MALRD1: variants seen among roughly 807,000 people sequenced by gnomAD.
MALRD1 encodes MAM and LDL receptor class A domain containing 1.
Under a neutral mutation model 242.1 loss-of-function variants are expected in MALRD1, and 247 were observed. That is an observed-to-expected ratio of 1.02 (90% confidence interval 0.92 to 1.13). The LOEUF (loss-of-function observed/expected upper bound fraction) is 1.13, where lower values mean the gene tolerates loss of function less well. Among genes scored for constraint, MALRD1 ranks in the 50% most tolerant of loss-of-function variants. The probability of loss-of-function intolerance (pLI) is 0.00; values close to 1 mark genes in which losing one functional copy is unlikely to be tolerated. For missense variants in MALRD1, 2,989 were observed against 2,533.1 expected, an observed-to-expected ratio of 1.18 and a Z score of -3.86; for synonymous variants, 995 against 866.6, an observed-to-expected ratio of 1.15 and a Z score of -2.60.
intron 18 of MALRD1, among the ~76,000 whole-genome samples, chr10:19,213,691 C>G (rs530003995): frequency 5.9e-5 from 9 of 152,262 alleles, no homozygotes; most frequent in African/African-American, 1.9e-4. Flanking sequence ...GTTCTTCTGT[C>G]TTTTGTTGTT....
At chr10:19,717,590 T>C (rs1278723531) in intron 38 of MALRD1, among the ~76,000 whole-genome samples, 2 of 152,220 alleles carry the variant, frequency 1.3e-5, no homozygotes, top group East Asian at 1.9e-4. Flanking sequence ...CCCATGTGTT[T>C]TATTATTAAT....
intron 22 of MALRD1, among the ~76,000 whole-genome samples, chr10:19,324,775 G>A (rs2130899122): frequency 6.6e-6 from 1 of 151,668 alleles, no homozygotes; most frequent in East Asian, 1.9e-4. Flanking sequence ...CCATAGCCAA[G>A]TCATTTTGTA....
intron 21 of MALRD1, among the ~76,000 whole-genome samples, chr10:19,320,038 C>G (rs1462009046): frequency 9.7e-6 from 1 of 103,618 alleles, no homozygotes; most frequent in Non-Finnish European, 1.9e-5. Flanking sequence ...TTTTATAAAA[C>G]TGCTTTTTTT....
At chr10:19,706,043 C>T (rs1249381093) in intron 38 of MALRD1, among the ~76,000 whole-genome samples, 2 of 151,900 alleles carry the variant, frequency 1.3e-5, no homozygotes, top group African/African-American at 2.4e-5. Flanking sequence ...TTGAAAGATA[C>T]TGGAAAGCCA....
At chr10:19,268,555 T>A (rs1338139950) in intron 19 of MALRD1, among the ~76,000 whole-genome samples, 2 of 152,182 alleles carry the variant, frequency 1.3e-5, no homozygotes, top group African/African-American at 4.8e-5. Flanking sequence ...ATATTAAATA[T>A]ATTTCTTAAC....
intron 12 of MALRD1, among the ~76,000 whole-genome samples, chr10:19,164,831 T>C (rs961090168): frequency 6.6e-6 from 1 of 152,058 alleles, no homozygotes; most frequent in African/African-American, 2.4e-5. Flanking sequence ...AACCTTTAGA[T>C]TGTGTCATTA....
At chr10:19,167,388 T>A (rs184670794) in intron 13 of MALRD1, among the ~76,000 whole-genome samples, 2 of 151,948 alleles carry the variant, frequency 1.3e-5, no homozygotes, top group East Asian at 1.9e-4. Context: ...AGTGTATGAT[T>A]ATAGGGAAGT....
At chr10:19,066,028 A>G (rs377727767) in intron 1 of MALRD1, among the ~76,000 whole-genome samples, 19 of 152,138 alleles carry the variant, frequency 1.2e-4, no homozygotes, top group African/African-American at 3.9e-4. Flanking sequence ...GTAAGGTACA[A>G]TGGTCTCTTG....
chr10:19,715,275 C>A (rs1170575734), intron 38 of MALRD1, among the ~76,000 whole-genome samples: 3 of 151,406 alleles, frequency 2.0e-5, no homozygotes, highest in South Asian at 2.1e-4. Context: ...TCAAGACTTA[C>A]CATATAAGAA....
chr10:19,607,807 T>A lies in MALRD1; in HGVS notation c.5975T>A (p.Val1992Glu). 5.2e-6 allele frequency: 8 copies of A among 1,549,778 alleles called. No homozygotes were observed. The highest frequency in any genetic ancestry group is 1.2e-5 in the South Asian group (1 of 84,038). ...SNKSCSNGAL[V>E]CASSNSCIPA... ...AAAAGCTGTTCTAATGGAGCTCTGG[T>A]GTGTGCCTCCTCCAACAGCTGTATC... Residue 1992 changes from valine to glutamate, a missense_variant, in exon 35 of 40, where the codon GTG (valine) becomes GAG (glutamate). Physicochemically the swap from Val to Glu is moderately radical, Grantham distance 121. Transcript: ENST00000454679.
intron 24 of MALRD1, among the ~76,000 whole-genome samples, chr10:19,339,615 T>C (rs1364418955): frequency 6.6e-6 from 1 of 152,214 alleles, no homozygotes; most frequent in Non-Finnish European, 1.5e-5. Context: ...CCATTACAAG[T>C]ACTAACTTCT....
intron 32 of MALRD1, among the ~76,000 whole-genome samples, chr10:19,539,585 AGT>A (rs908241533): frequency 9.9e-5 from 15 of 152,126 alleles, no homozygotes; most frequent in African/African-American, 3.6e-4. Context: ...CCAAATGCTT[AGT>A]GTGTGTGAGC....
chr10:19,415,476 A>G (rs1833480033), intron 28 of MALRD1, among the ~76,000 whole-genome samples: 1 of 152,142 alleles, frequency 6.6e-6, no homozygotes, highest in African/African-American at 2.4e-5. Context: ...TTATTGTACT[A>G]GCTTAAGGCT....
At chr10:19,213,205 T>C (rs931512448) in intron 18 of MALRD1, among the ~76,000 whole-genome samples, 1 of 152,182 alleles carries the variant, frequency 6.6e-6, no homozygotes, top group African/African-American at 2.4e-5. Context: ...CTCCTCTCCT[T>C]TGGGAACTGA....
chr10:19,237,391 T>A (rs1838368950), intron 18 of MALRD1, among the ~76,000 whole-genome samples: 1 of 150,146 alleles, frequency 6.7e-6, no homozygotes, highest in Non-Finnish European at 1.5e-5. Flanking sequence ...CATGCGGTAT[T>A]TGCTTTCTGT....
At chr10:19,382,083 A>G (rs955853413) in intron 26 of MALRD1, among the ~76,000 whole-genome samples, 1 of 152,160 alleles carries the variant, frequency 6.6e-6, no homozygotes, top group Non-Finnish European at 1.5e-5. Flanking sequence ...TATACCCTTA[A>G]TGTCAAGAAT....
At chr10:19,680,831 G>A (rs1482863800) in intron 36 of MALRD1, among the ~76,000 whole-genome samples, 1 of 152,080 alleles carries the variant, frequency 6.6e-6, no homozygotes, top group Non-Finnish European at 1.5e-5. Flanking sequence ...AGGCAGGCCT[G>A]GTGGTGATGA....
intron 18 of MALRD1, among the ~76,000 whole-genome samples, chr10:19,238,555 T>TAC (rs1838592524): frequency 8.3e-6 from 1 of 120,530 alleles, no homozygotes; most frequent in African/African-American, 3.2e-5. Flanking sequence ...ATATAATGTA[T>TAC]ATTATATATA....
At chr10:19,368,877 GTGTGTGTGTGTGTT>G (rs1845230587) in intron 26 of MALRD1, among the ~76,000 whole-genome samples, 2 of 141,790 alleles carry the variant, frequency 1.4e-5, no homozygotes, top group South Asian at 2.2e-4. Flanking sequence ...GTGTATGTGT[GTGTGTGTGTGTGTT>G]TGTGTGTGTG....
Sources: gnomAD v4.1 joint callset for allele counts (sites outside exome capture counted in the v4.1 genomes callset) on GRCh38, gnomAD v4.1.1 for gene constraint, MANE v1.5 for transcripts, NCBI Gene and HGNC (gene_info 2026-07-23, HGNC 2026-07-21) for gene names.